The following ZNF274 variants were observed in gnomAD, a reference collection of about 807,000 sequenced individuals.
ZNF274 encodes the protein neurotrophin receptor-interacting factor homolog.
Under a neutral mutation model 42.5 loss-of-function variants are expected in ZNF274, and 23 were observed. The observed-to-expected ratio is 0.54, with a 90% confidence interval of 0.39 to 0.77. The LOEUF (loss-of-function observed/expected upper bound fraction) is 0.77. Ranked by LOEUF, ZNF274 falls within the 30% of genes least tolerant of loss-of-function variation. The probability of loss-of-function intolerance (pLI) is 0.00; values close to 1 mark genes in which losing one functional copy is unlikely to be tolerated. For synonymous variants in ZNF274, 292 were observed against 305.4 expected (o/e 0.96, Z 0.46); for missense variants, 679 against 806.5 (o/e 0.84, Z 1.91).
intron 4 of ZNF274, among the ~76,000 whole-genome samples, chr19:58,205,145 C>G (rs190634157): frequency 6.4e-4 from 98 of 152,320 alleles, no homozygotes; most frequent in Non-Finnish European, 6.5e-4. Flanking sequence ...CCAGTAGATT[C>G]ATCCCGTGAA....
At chr19:58,198,033 G>C (rs866706875) in intron 4 of ZNF274, among the ~76,000 whole-genome samples, 4 of 151,734 alleles carry the variant, frequency 2.6e-5, no homozygotes, top group African/African-American at 9.7e-5. Flanking sequence ...GAAAACAAAC[G>C]AACTAAGTGT....
chr19:58,194,371 CTTTTTT>C (rs766266627), intron 4 of ZNF274, among the ~76,000 whole-genome samples: 103 of 64,186 alleles, frequency 1.6e-3, no homozygotes, highest in African/African-American at 6.5e-3. Flanking sequence ...TGTTTTTTAC[CTTTTTT>C]TTTTTTTTTT....
intron 4 of ZNF274, among the ~76,000 whole-genome samples, chr19:58,196,258 C>CT (rs2075840762): frequency 6.6e-6 from 1 of 152,154 alleles, no homozygotes; most frequent in Non-Finnish European, 1.5e-5. Context: ...ACATTTTTTA[C>CT]TTGTCAAGAA....
chr19:58,212,325 G>C lies in ZNF274; in HGVS notation c.1144G>C (p.Val382Leu). The C allele has an allele frequency of 1.2e-6, 2 of 1,614,020 alleles. No homozygotes were observed. Among genetic ancestry groups the C allele is most frequent in the Non-Finnish European group, 1.7e-6 (2 of 1,179,906 alleles). Residue 382 changes from valine (V) to leucine (L), a missense_variant, in exon 8 of 8, where the codon GTG (valine) becomes CTG (leucine). This residue lies in a region of ZNF274 where 456 missense variants were observed against 590.1 expected (regional missense o/e 0.77). Transcript: ENST00000617501. This position sits in a 1 kb window ranked among gnomAD's most constrained non-coding sequence, Gnocchi z 4.6. ...TGGGGTCCAGGAAGTCCAAGACACAGTGTTGAAGCAGATGGAGTCTGCTCA... is the reference window on the plus strand; with the variant it reads ...TGGGGTCCAGGAAGTCCAAGACACACTGTTGAAGCAGATGGAGTCTGCTCA... The part of the protein sequence containing the change: ...QGGVQEVQDT[V>L]LKQMESAQEK...
At chr19:58,193,576 C>T (rs2075804157) in intron 4 of ZNF274, among the ~76,000 whole-genome samples, 1 of 149,844 alleles carries the variant, frequency 6.7e-6, no homozygotes, top group Non-Finnish European at 1.5e-5. Context: ...CCTCAGCCTC[C>T]TGAGAAGCTG....
At chr19:58,185,622 T>C in intron 2 of ZNF274, 90 bp from the exon 3 acceptor site, 3 of 1,336,170 alleles carry the variant, frequency 2.2e-6, no homozygotes, top group Non-Finnish European at 2.9e-6. Context: ...TAGACCATTC[T>C]GTGCTTTCAC....
At chr19:58,189,344 G>T (rs1256417139) in intron 4 of ZNF274, among the ~76,000 whole-genome samples, 2 of 152,026 alleles carry the variant, frequency 1.3e-5, no homozygotes, top group East Asian at 3.9e-4. Flanking sequence ...TATATACCTC[G>T]AACTGCTGCG....
chr19:58,191,226 C>T (rs976158097), intron 4 of ZNF274, among the ~76,000 whole-genome samples: 1 of 152,222 alleles, frequency 6.6e-6, no homozygotes, highest in Non-Finnish European at 1.5e-5. Context: ...TAACCTCTGC[C>T]TCCCAGGTTC....
intron 4 of ZNF274, among the ~76,000 whole-genome samples, chr19:58,202,626 TC>T (rs1310979646): frequency 1.3e-5 from 2 of 152,210 alleles, no homozygotes. Flanking sequence ...GTCAGTCATG[TC>T]TGTGGAATGA....
chr19:58,183,665 T>C, intron 1 of ZNF274: 1 of 333,928 alleles, frequency 3.0e-6, no homozygotes, highest in Non-Finnish European at 5.6e-6. Flanking sequence ...ACAGATCGCC[T>C]CCGGAAGCGT....
At chr19:58,204,742 G>T (rs1050586884) in intron 4 of ZNF274, among the ~76,000 whole-genome samples, 1 of 152,120 alleles carries the variant, frequency 6.6e-6, no homozygotes, top group African/African-American at 2.4e-5. Flanking sequence ...AACACTACCC[G>T]TTCTTCCAGT....
In ZNF274 at chr19:58,208,203, TTGAC is replaced by T. The variant is rs768114152; in HGVS notation, c.739+1004_739+1007del. Reference sequence around the variant, plus strand: ...AGATGTTTCTGATGTGAACGAATGATTGACTGGTTGATGTTTGTGATTGCAGGAA... The same window carrying T: ...AGATGTTTCTGATGTGAACGAATGATTGGTTGATGTTTGTGATTGCAGGAA... On this transcript the variant is annotated intron_variant, in intron 5 of 7. Coordinates refer to ENST00000617501, the MANE Select transcript of ZNF274 (RefSeq NM_133502.3). This position sits in a 1 kb window ranked among gnomAD's most constrained non-coding sequence, Gnocchi z 4.5. 5.2e-5 allele frequency: 8 copies of T among 152,408 alleles called. No homozygotes were observed. The East Asian group carries it at 1.5e-3, about 29-fold the overall frequency. 9.4% of individuals were successfully genotyped at this position (152,408 alleles called of 1,614,324 possible).
intron 4 of ZNF274, among the ~76,000 whole-genome samples, chr19:58,188,620 A>AATATATATAT (rs60934983): frequency 6.0e-4 from 42 of 70,352 alleles, no homozygotes; most frequent in African/African-American, 3.5e-3. Flanking sequence ...AAAAAAAAAA[A>AATATATATAT]ATATATATAT....
rs574792518 is a variant in ZNF274, at chr19:58,191,990, A to G, written c.256+4948A>G. 2.5e-4 allele frequency among the ~76,000 whole-genome samples: 38 copies of G among 152,350 alleles called. No individual in the cohort carries two copies. In the South Asian group the frequency reaches 7.7e-3, roughly 31 times the overall value. On this transcript the variant is annotated intron_variant, in intron 4 of 7. Transcript: ENST00000617501. ...ACAGTGATAAATGTACTGAGAAGGA[A>G]AAAAGCCTGATATAAAGAAGGGGAG... is the stretch of plus-strand genomic sequence containing the variant.
Position 58,211,341 on chromosome 19 carries a change from G to T in ZNF274, c.853-219G>T. 8.9e-6 allele frequency: 4 copies of T among 449,220 alleles called. No homozygotes were observed. The highest frequency in any genetic ancestry group is 2.0e-5 in the African/African-American group (1 of 49,998). 27.8% of individuals were successfully genotyped at this position (449,220 alleles called of 1,614,324 possible). A position where few individuals can be genotyped will look rare whatever the true frequency, so the allele number is the denominator to read the frequency against. On this transcript the variant is annotated intron_variant, in intron 6 of 7. Transcript: ENST00000617501. This position sits in a 1 kb window ranked among gnomAD's most constrained non-coding sequence, Gnocchi z 4.8. ...GCTTGTTGCACTTGGAGCTCTTTAT[G>T]AAGCAAGGGCTCTGCCTCCCAGCCT...
chr19:58,188,598 T>TC (rs1186829736), intron 4 of ZNF274, among the ~76,000 whole-genome samples: 4 of 98,820 alleles, frequency 4.0e-5, no homozygotes, highest in Admixed American at 2.5e-4. Flanking sequence ...AGAGTGAGAC[T>TC]CCATCTCAAA....
chr19:58,195,112 C>T (rs1180786178), intron 4 of ZNF274, among the ~76,000 whole-genome samples: 1 of 150,416 alleles, frequency 6.6e-6, no homozygotes, highest in Admixed American at 6.6e-5. Flanking sequence ...GCAGGTGAAT[C>T]GATTGAACCC....
chr19:58,212,196 CCAAATT>C lies in ZNF274; in HGVS notation c.1017_1022del (p.Asn340_Ser341del). ...TACACTGGAAAATAAAGAGTTAGCT[CCAAATT>C]CTGACATTCCTGAGGAAGAACCAGC... On this transcript the variant is annotated inframe_deletion, in exon 8 of 8. Coordinates refer to ENST00000617501, the MANE Select transcript of ZNF274 (RefSeq NM_133502.3). The surrounding 1 kb of genome is among the most constrained non-coding windows in gnomAD (Gnocchi z 4.6). 2 of 1,610,358 alleles carry C rather than the reference CCAAATT, an allele frequency of 1.2e-6. No homozygotes were observed. The highest frequency in any genetic ancestry group is 2.2e-5 in the South Asian group (2 of 90,966).
In ZNF274 at chr19:58,212,022, G is replaced by T; in HGVS notation, c.980-139G>T. Reference sequence around the variant, plus strand: ...CTCCCTGCCGCTTCATTGCTTTTCAGTCTCTCTCCAGGTTGCATGACTCTA... The same window carrying T: ...CTCCCTGCCGCTTCATTGCTTTTCATTCTCTCTCCAGGTTGCATGACTCTA... On this transcript the variant is annotated intron_variant, in intron 7 of 7. Transcript: ENST00000617501. This position sits in a 1 kb window ranked among gnomAD's most constrained non-coding sequence, Gnocchi z 4.6. The T allele has an allele frequency of 9.6e-7, 1 of 1,046,786 alleles. No individual in the cohort carries two copies. The highest frequency in any genetic ancestry group is 1.6e-5 in the African/African-American group (1 of 62,672). 64.8% of individuals were successfully genotyped at this position (1,046,786 alleles called of 1,614,324 possible).
Sources: gnomAD v4.1 joint callset for allele counts (sites outside exome capture counted in the v4.1 genomes callset) on GRCh38, gnomAD v4.1.1 for gene constraint, gnomAD v4.1.1 regional missense constraint, Gnocchi (gnomAD v3.1) non-coding constraint, MANE v1.5 for transcripts, NCBI Gene and HGNC (gene_info 2026-07-23, HGNC 2026-07-21) for gene names.